CILP: variants seen among roughly 807,000 people sequenced by gnomAD.
The protein encoded by CILP is cartilage intermediate layer protein 1.
Under a neutral mutation model 82.5 loss-of-function variants are expected in CILP, and 75 were observed. The observed-to-expected ratio is 0.91, with a 90% CI of 0.75 to 1.10. The LOEUF (loss-of-function observed/expected upper bound fraction) is 1.10. CILP is among the 50% of genes least tolerant of loss of function. The probability of loss-of-function intolerance (pLI) is 0.00; values close to 1 mark genes in which losing one functional copy is unlikely to be tolerated. For missense variants in CILP, 1,479 were observed against 1,530.8 expected (o/e 0.97, Z 0.56); for synonymous variants, 530 against 580.3 (o/e 0.91, Z 1.25).
chr15:65,199,128 G>A, intron 8 of CILP, 29 bp from the exon 9 acceptor site: 1 of 1,508,442 alleles, frequency 6.6e-7, no homozygotes, highest in Non-Finnish European at 8.9e-7. Context: ...TGGAAATTAA[G>A]ATGTAAGTTT....
At chr15:65,203,999 C>T (rs971148692) in intron 6 of CILP, among the ~76,000 whole-genome samples, 7 of 152,228 alleles carry the variant, frequency 4.6e-5, no homozygotes, top group African/African-American at 2.4e-5. Flanking sequence ...GCAGCAAGCA[C>T]GAAGGCCCTG....
In CILP at chr15:65,206,926, C is replaced by T. The variant is rs374045624; in HGVS notation, c.280G>A (p.Ala94Thr). 2 of 1,613,884 alleles carry T rather than the reference C, an allele frequency of 1.2e-6. No homozygotes were observed. The highest frequency in any genetic ancestry group is 1.7e-6 in the Non-Finnish European group (2 of 1,180,030). ...RVCARPLRLEARTTDWTPAGS... is the reference protein window; with the variant it reads ...RVCARPLRLETRTTDWTPAGS... ...GCAGGTGTCCAGTCAGTGGTCCGAGCCTCTAGCCGCAGGGGACGGGCACAT... is the reference window on the plus strand; with the variant it reads ...GCAGGTGTCCAGTCAGTGGTCCGAGTCTCTAGCCGCAGGGGACGGGCACAT... The change falls in exon 4 of 9, where the codon GCT becomes ACT. Residue 94 changes from alanine to threonine, a missense_variant. Coordinates refer to ENST00000261883, the MANE Select transcript of CILP (RefSeq NM_003613.4).
In CILP at chr15:65,195,381, A is replaced by G. The variant is rs1488144897; in HGVS notation, c.*1350T>C. On this transcript the variant is annotated 3_prime_UTR_variant, in exon 9 of 9. Transcript: ENST00000261883. The stretch of plus-strand genomic sequence containing the variant: ...GGGATAGGGGCAGTGAGTGCATCCT[A>G]TCCAACCCCACACCCCACTACCCTG... 1 of 152,190 alleles carries G rather than the reference A, an allele frequency of 6.6e-6. No homozygotes were observed. The highest frequency in any genetic ancestry group is 2.4e-5 in the African/African-American group (1 of 41,450). The allele number at this position is 152,190 out of a possible 1,614,324, so 9.4% of individuals were successfully genotyped here.
rs748380643 is a variant in CILP, at chr15:65,198,885, G to A, written c.1401C>T (p.Cys467=). The A allele has an allele frequency of 4.3e-5, 70 of 1,613,872 alleles. No homozygotes were observed. Among genetic ancestry groups the A allele is most frequent in the Non-Finnish European group, 5.7e-5 (67 of 1,179,964 alleles). ...CCTTGGTGGGTAGCGTGTAGCCACT[G>A]CACTGGATCTCCCTTTCCTCTGTCT... ...ISKTEEREIQ[C]SGYTLPTKVA... Residue 467 remains cysteine (C), a synonymous_variant, in exon 9 of 9, where the codon TGC becomes TGT. Coordinates refer to ENST00000261883, the MANE Select transcript of CILP (RefSeq NM_003613.4).
At chr15:65,199,170 CT>C in intron 8 of CILP, 71 bp from the exon 9 acceptor site, 2 of 1,052,090 alleles carry the variant, frequency 1.9e-6, no homozygotes, top group Non-Finnish European at 2.8e-6. Flanking sequence ...TCAACCTCAC[CT>C]CTCTACAGTA....
rs779760076 is a variant in CILP, at chr15:65,204,727, C to T, written c.605-145G>A. On this transcript the variant is annotated intron_variant, in intron 5 of 8. Transcript: ENST00000261883. ...ACTAACTCCCACTCATCCTTTAAAA[C>T]TTATCCCAAGGCCAGGCGTGGTGGC... The T allele has an allele frequency of 3.7e-5, 33 of 893,154 alleles. No homozygotes were observed. The Middle Eastern group carries it at 1.0e-3, about 28-fold the overall frequency. 55.3% of individuals were successfully genotyped at this position (893,154 alleles called of 1,614,324 possible). A position where few individuals can be genotyped will look rare whatever the true frequency, so the allele number is the denominator to read the frequency against.
In CILP at chr15:65,196,580, C is replaced by T. The variant is rs544342242; in HGVS notation, c.*151G>A. 261 of 648,258 alleles carry T rather than the reference C, an allele frequency of 4.0e-4. No homozygotes were observed. The highest frequency in any genetic ancestry group is 6.1e-4 in the Non-Finnish European group (247 of 403,554). 40.2% of individuals were successfully genotyped at this position (648,258 alleles called of 1,614,324 possible). On this transcript the variant is annotated 3_prime_UTR_variant, in exon 9 of 9. Coordinates refer to ENST00000261883, the MANE Select transcript of CILP (RefSeq NM_003613.4). ...GTGGGGGCCACGTGCCAATCAGTAG[C>T]ATGGGACAAAGTAAGTAAAGGCATG... is the stretch of plus-strand genomic sequence containing the variant.
chr15:65,203,561 T>C (rs2088484860), intron 6 of CILP, 91 bp from the exon 7 acceptor site: 5 of 885,706 alleles, frequency 5.6e-6, no homozygotes, highest in Middle Eastern at 3.3e-4. Context: ...GTCTTTGATG[T>C]TGTGAAAATT....
chr15:65,204,271 C>T lies in CILP; in HGVS notation c.916G>A (p.Ala306Thr), dbSNP rs2088491877. 1.2e-6 allele frequency: 2 copies of T among 1,612,988 alleles called. No individual in the cohort carries two copies. The highest frequency in any genetic ancestry group is 1.1e-5 in the South Asian group (1 of 90,796). The change falls in exon 6 of 9, where the codon GCA becomes ACA. Residue 306 changes from alanine to threonine, a missense_variant. Coordinates refer to ENST00000261883, the MANE Select transcript of CILP (RefSeq NM_003613.4). ...AATIKAEFVR[A>T]ETPYMVMNPE... is the part of the protein sequence containing the mutation. Reference sequence around the variant, plus strand: ...CTACCCCAAAGAATTTAGTTACCTGCCCTCACAAACTCTGCCTTGATGGTG... The same window carrying T: ...CTACCCCAAAGAATTTAGTTACCTGTCCTCACAAACTCTGCCTTGATGGTG...
chr15:65,198,330 G>A lies in CILP; in HGVS notation c.1956C>T (p.Phe652=), dbSNP rs1306472659. The change falls in exon 9 of 9, where the codon TTC becomes TTT. Residue 652 remains phenylalanine, a synonymous_variant. Coordinates refer to ENST00000261883, the MANE Select transcript of CILP (RefSeq NM_003613.4). ...LNFINDEGDT[F]PLRTYGMFSV... ...AGAACATGCCATACGTCCGAAGGGG[G>A]AAAGTGTCTCCTTCGTCATTGATGA... The A allele has an allele frequency of 1.2e-6, 2 of 1,614,110 alleles. No individual in the cohort carries two copies. The highest frequency in any genetic ancestry group is 2.7e-5 in the African/African-American group (2 of 74,944).
intron 7 of CILP, among the ~76,000 whole-genome samples, chr15:65,202,736 G>A (rs1195851846): frequency 6.6e-6 from 1 of 151,138 alleles, no homozygotes; most frequent in Non-Finnish European, 1.5e-5. Context: ...CCCCTTGTTT[G>A]CTTTTATTGG....
intron 8 of CILP, 49 bp from the exon 9 acceptor site, chr15:65,199,148 A>G: frequency 7.5e-7 from 1 of 1,342,090 alleles, no homozygotes; most frequent in African/African-American, 1.4e-5. Flanking sequence ...TACATCCTAC[A>G]CAAAGAGTAC....
Position 65,196,408 on chromosome 15 carries a change from G to A in CILP, c.*323C>T. 1 of 249,740 alleles carries A rather than the reference G, an allele frequency of 4.0e-6. No homozygotes were observed. Among genetic ancestry groups the A allele is most frequent in the Middle Eastern group, 1.3e-3 (1 of 780 alleles). The allele number at this position is 249,740 out of a possible 1,614,324, so 15.5% of individuals were successfully genotyped here. A position where few individuals can be genotyped will look rare whatever the true frequency, so the allele number is the denominator to read the frequency against. ...ATCAGATTATCACTATTGCAGAGGT[G>A]GGCAAAACCATGCAAAAAGAAGAGG... On this transcript the variant is annotated 3_prime_UTR_variant, in exon 9 of 9. Transcript: ENST00000261883.
intron 4 of CILP, among the ~76,000 whole-genome samples, chr15:65,206,029 C>A (rs1349566953): frequency 6.6e-6 from 1 of 152,096 alleles, no homozygotes; most frequent in African/African-American, 2.4e-5. Context: ...GGGAGAAGAT[C>A]CCCATCCAAG....
Position 65,197,555 on chromosome 15 carries a change from G to A in CILP, c.2731C>T (p.His911Tyr). 1 of 1,614,246 alleles carries A rather than the reference G, an allele frequency of 6.2e-7. No homozygotes were observed. ...CCCTCAATCTGGTAGAACCGGAAGTGGGCTGCACTGGGTGGTGCCTCTTCA... is the reference window on the plus strand; with the variant it reads ...CCCTCAATCTGGTAGAACCGGAAGTAGGCTGCACTGGGTGGTGCCTCTTCA... ...ACEEAPPSAA[H>Y]FRFYQIEGDR... The change falls in exon 9 of 9, where the codon CAC (histidine) becomes TAC (tyrosine). Residue 911 changes from histidine to tyrosine, a missense_variant. Transcript: ENST00000261883.
At position 65,198,861 on chromosome 15, in the gene CILP, C is replaced by A. The variant is rs1344259202; in HGVS notation, c.1425G>T (p.Lys475Asn). 6.2e-7 allele frequency: 1 copy of A among 1,614,084 alleles called. No homozygotes were observed. The highest frequency in any genetic ancestry group is 1.1e-5 in the South Asian group (1 of 91,086). Residue 475 changes from lysine (K) to asparagine (N), a missense_variant, in exon 9 of 9, where the codon AAG becomes AAT. By Grantham distance (94) the Lys-to-Asn change is moderately conservative. Coordinates refer to ENST00000261883, the MANE Select transcript of CILP (RefSeq NM_003613.4). ...GCTGGCAGCTGCACTCCTTGGCCAC[C>A]TTGGTGGGTAGCGTGTAGCCACTGC... ...IQCSGYTLPTKVAKECSCQRC... is the reference protein window; with the variant it reads ...IQCSGYTLPTNVAKECSCQRC...
intron 6 of CILP, 36 bp from the exon 7 acceptor site, chr15:65,203,506 T>G (rs748465664): frequency 4.3e-5 from 65 of 1,496,458 alleles, no homozygotes; most frequent in Middle Eastern, 2.4e-4. Context: ...TTTTGGGTTT[T>G]TGTGTGTGTG....
rs1048579312 is a variant in CILP at position 65,196,008 on chromosome 15, G to A, written c.*723C>T. The A allele has an allele frequency of 8.5e-5, 13 of 152,170 alleles. No individual in the cohort carries two copies. The highest frequency in any genetic ancestry group is 6.5e-4 in the Admixed American group (10 of 15,270). 9.4% of individuals were successfully genotyped at this position (152,170 alleles called of 1,614,324 possible). ...AAGACAGGACAGTGGCCTCAGAATCGAAATACAGAGTATGCATTTATTGAC... is the reference window on the plus strand; with the variant it reads ...AAGACAGGACAGTGGCCTCAGAATCAAAATACAGAGTATGCATTTATTGAC... On this transcript the variant is annotated 3_prime_UTR_variant, in exon 9 of 9. Coordinates refer to ENST00000261883, the MANE Select transcript of CILP (RefSeq NM_003613.4).
chr15:65,205,429 T>C lies in CILP; in HGVS notation c.462A>G (p.Pro154=), dbSNP rs759839477. Residue 154 remains proline, a synonymous_variant, in exon 5 of 9, where the codon CCA becomes CCG. Coordinates refer to ENST00000261883, the MANE Select transcript of CILP (RefSeq NM_003613.4). ...LRRDTERIWS[P]WSPWSKCSAA... ...CTGAGCACTTGCTCCAGGGAGACCA[T>C]GGGCTCCAGATGCGCTCTGTGTCTC... 10 of 1,613,680 alleles carry C rather than the reference T, an allele frequency of 6.2e-6. No individual in the cohort carries two copies. The African/African-American group carries it at 6.7e-5, about 11-fold the overall frequency.
Sources: gnomAD v4.1 joint callset for allele counts (sites outside exome capture counted in the v4.1 genomes callset) on GRCh38, gnomAD v4.1.1 for gene constraint, MANE v1.5 for transcripts, NCBI Gene and HGNC (gene_info 2026-07-23, HGNC 2026-07-21) for gene names.